Variants in GRIN2A observed in about 807,000 individuals in gnomAD.
The protein encoded by GRIN2A is glutamate receptor ionotropic, NMDA 2A.
GRIN2A carries 22 observed loss-of-function variants against 113.4 expected under a neutral mutation model. That is an observed-to-expected ratio of 0.19 (90% CI 0.14 to 0.28). The LOEUF is 0.28. GRIN2A is among the 10% of genes least tolerant of loss of function. The pLI is 1.00. For missense variants in GRIN2A, 1,502 were observed against 1,887.0 expected, an observed-to-expected ratio of 0.80 and a Z score of 3.78; for synonymous variants, 827 against 738.4, an observed-to-expected ratio of 1.12 and a Z score of -1.94.
At chr16:9,941,537 CAGCCCA>C (rs1419830687) in intron 2 of GRIN2A, among the ~76,000 whole-genome samples, 7 of 152,206 alleles carry the variant, frequency 4.6e-5, no homozygotes, top group African/African-American at 1.7e-4. Flanking sequence ...TGCCAAACTT[CAGCCCA>C]AGCTGAATCT....
intron 2 of GRIN2A, among the ~76,000 whole-genome samples, chr16:10,056,265 C>T (rs181390731): frequency 1.9e-4 from 29 of 152,284 alleles, no homozygotes; most frequent in Non-Finnish European, 2.9e-4. Flanking sequence ...ATCCCTCCAC[C>T]CATTTACCCT....
chr16:9,773,441 T>C (rs1901406099), intron 11 of GRIN2A, among the ~76,000 whole-genome samples: 1 of 152,214 alleles, frequency 6.6e-6, no homozygotes, highest in Non-Finnish European at 1.5e-5. Flanking sequence ...AAAGAGGCCG[T>C]GATCTTTGTC....
At chr16:10,072,795 C>G (rs571855982) in intron 2 of GRIN2A, among the ~76,000 whole-genome samples, 1 of 147,134 alleles carries the variant, frequency 6.8e-6, no homozygotes, top group Non-Finnish European at 1.5e-5. Context: ...AACAAGTTAT[C>G]TGGGTGATTG....
At chr16:9,907,428 C>G (rs2141537986) in intron 3 of GRIN2A, among the ~76,000 whole-genome samples, 1 of 152,188 alleles carries the variant, frequency 6.6e-6, no homozygotes, top group South Asian at 2.1e-4. Flanking sequence ...AAACTACAGA[C>G]ACAGAGAAGA....
At chr16:9,956,640 C>T (rs1237479067) in intron 2 of GRIN2A, among the ~76,000 whole-genome samples, 5 of 152,126 alleles carry the variant, frequency 3.3e-5, no homozygotes, top group Non-Finnish European at 7.4e-5. Flanking sequence ...GCTTATGATC[C>T]AGATGGAAAA....
chr16:9,921,237 G>C lies in GRIN2A; in HGVS notation c.1007+16722C>G, dbSNP rs137973497. ...TTAACATTTTCAGAAAGGTTTTGTA[G>C]TTTATAAAATTAATTTCCATCAGTC... On this transcript the variant is annotated intron_variant, in intron 3 of 12. Coordinates refer to ENST00000330684, the MANE Select transcript of GRIN2A (RefSeq NM_001134407.3). Among the ~76,000 whole-genome samples, 156 of 152,280 alleles carry C rather than the reference G, an allele frequency of 1.0e-3. 2 individuals carry two copies. The highest frequency in any genetic ancestry group is 3.6e-3 in the African/African-American group (148 of 41,560).
intron 4 of GRIN2A, among the ~76,000 whole-genome samples, chr16:9,854,261 T>C (rs1337626109): frequency 6.6e-6 from 1 of 152,020 alleles, no homozygotes; most frequent in African/African-American, 2.4e-5. Flanking sequence ...ACCTGTATTC[T>C]CTCCCTTGCT....
At chr16:10,005,880 A>G (rs1359957042) in intron 2 of GRIN2A, among the ~76,000 whole-genome samples, 2 of 152,250 alleles carry the variant, frequency 1.3e-5, no homozygotes, top group African/African-American at 4.8e-5. Flanking sequence ...TAATGCAACC[A>G]CATATACACA....
At chr16:10,086,460 A>T (rs553131603) in intron 2 of GRIN2A, among the ~76,000 whole-genome samples, 1 of 152,248 alleles carries the variant, frequency 6.6e-6, no homozygotes, top group South Asian at 2.1e-4. Flanking sequence ...AACACATAAG[A>T]TGTTTGTGGC....
intron 3 of GRIN2A, among the ~76,000 whole-genome samples, chr16:9,930,170 C>A (rs1050967967): frequency 8.5e-5 from 13 of 152,172 alleles, no homozygotes; most frequent in Admixed American, 2.6e-4. Context: ...ATGGGTCCAT[C>A]AGGCCTAGAT....
At chr16:9,852,731 C>T (rs779991178) in intron 4 of GRIN2A, among the ~76,000 whole-genome samples, 112 of 152,294 alleles carry the variant, frequency 7.4e-4, no homozygotes, top group Non-Finnish European at 1.4e-3. Flanking sequence ...ATCTCAACTA[C>T]TAAATCGTAT....
At chr16:10,154,523 A>T (rs2049649253) in intron 2 of GRIN2A, among the ~76,000 whole-genome samples, 1 of 152,186 alleles carries the variant, frequency 6.6e-6, no homozygotes, top group Admixed American at 6.5e-5. Flanking sequence ...TTGTTCCCCC[A>T]GCATCCTCAG....
At chr16:9,819,274 C>G (rs1596461179) in intron 10 of GRIN2A, among the ~76,000 whole-genome samples, 1 of 152,042 alleles carries the variant, frequency 6.6e-6, no homozygotes, top group Admixed American at 6.6e-5. Context: ...AATCCCAGCA[C>G]TTTGAGAGGC....
chr16:10,176,692 C>A (rs1567351837), intron 2 of GRIN2A, among the ~76,000 whole-genome samples: 2 of 115,654 alleles, frequency 1.7e-5, no homozygotes, highest in Non-Finnish European at 3.4e-5. Context: ...CACACTGGGG[C>A]CTGTCATGGG....
In GRIN2A at chr16:9,760,246, C is replaced by T. The variant is rs1167059435; in HGVS notation, c.*2903G>A. The T allele has an allele frequency of 1.7e-5, 4 of 228,624 alleles. No homozygotes were observed. The highest frequency in any genetic ancestry group is 3.5e-5 in the Non-Finnish European group (4 of 115,296). The allele number at this position is 228,624 out of a possible 1,614,324, so 14.2% of individuals were successfully genotyped here. A position where few individuals can be genotyped will look rare whatever the true frequency, so the allele number is the denominator to read the frequency against. ...TATTTAATTCTTGTTACTTCTCATA[C>T]TGTGGGTTCCATTTACCACTGGACG... On this transcript the variant is annotated 3_prime_UTR_variant, in exon 13 of 13. Transcript: ENST00000330684.
At chr16:9,922,789 T>TG (rs1360288596) in intron 3 of GRIN2A, among the ~76,000 whole-genome samples, 1 of 152,216 alleles carries the variant, frequency 6.6e-6, no homozygotes, top group Non-Finnish European at 1.5e-5. Flanking sequence ...TGCAAACATT[T>TG]GGGGAATTTC....
chr16:10,072,551 G>C (rs1258537841), intron 2 of GRIN2A, among the ~76,000 whole-genome samples: 1 of 152,128 alleles, frequency 6.6e-6, no homozygotes, highest in Non-Finnish European at 1.5e-5. Context: ...GTTCTCCTAG[G>C]TGATTATAGT....
At chr16:10,126,659 C>A (rs1303842983) in intron 2 of GRIN2A, among the ~76,000 whole-genome samples, 1 of 152,092 alleles carries the variant, frequency 6.6e-6, no homozygotes, top group Non-Finnish European at 1.5e-5. Flanking sequence ...CCCTTTGGCA[C>A]GTATCACCAA....
At chr16:10,128,059 G>A (rs202068144) in intron 2 of GRIN2A, among the ~76,000 whole-genome samples, 16 of 152,246 alleles carry the variant, frequency 1.1e-4, no homozygotes, top group South Asian at 2.1e-4. Flanking sequence ...GACTCTGCAC[G>A]CCAAGGCTCA....
Sources: allele counts gnomAD v4.1 joint callset (sites outside exome capture counted in the v4.1 genomes callset), GRCh38; gene constraint gnomAD v4.1.1; transcripts MANE v1.5; gene names NCBI Gene and HGNC (gene_info 2026-07-23, HGNC 2026-07-21).